The following SAMD5 variants were observed in gnomAD, a reference collection of about 807,000 sequenced individuals.
SAMD5 encodes the protein sterile alpha motif domain containing 5, also known as sterile alpha motif domain-containing protein 5.
SAMD5 carries 13 observed loss-of-function variants against 11.3 expected under a neutral mutation model. That is an observed-to-expected ratio of 1.15 (90% CI 0.75 to 1.83). The LOEUF (loss-of-function observed/expected upper bound fraction) is 1.83, where lower values mean the gene tolerates loss of function less well. Ranked by LOEUF, SAMD5 falls within the 40% of genes most tolerant of loss-of-function variation. The pLI is 0.00. For synonymous variants in SAMD5, 129 were observed against 111.3 expected, an observed-to-expected ratio of 1.16 and a Z score of -1.00; for missense variants, 255 against 239.1, an observed-to-expected ratio of 1.07 and a Z score of -0.44.
chr6:147,720,760 C>T (rs1791539458), intron 1 of SAMD5, among the ~76,000 whole-genome samples: 1 of 151,260 alleles, frequency 6.6e-6, no homozygotes, highest in Non-Finnish European at 1.5e-5. Flanking sequence ...AGGTTAGTTC[C>T]ATATGTATAC....
At chr6:147,602,009 A>G (rs1387739669) in intron 1 of SAMD5, among the ~76,000 whole-genome samples, 8 of 152,244 alleles carry the variant, frequency 5.3e-5, no homozygotes, top group Admixed American at 5.2e-4. Flanking sequence ...TCTCGTTAGT[A>G]TAACAGCAGC....
At chr6:147,896,666 C>A in the SAMD5 span, among the ~76,000 whole-genome samples, 5 of 139,672 alleles carry the variant, frequency 3.6e-5, no homozygotes, top group East Asian at 1.1e-3. Flanking sequence ...AGTAAAAATT[C>A]TTCAAGTGGA....
the SAMD5 span, among the ~76,000 whole-genome samples, chr6:147,839,828 T>A: frequency 2.6e-5 from 4 of 152,186 alleles, no homozygotes; most frequent in African/African-American, 4.8e-5. Context: ...ACAGTATAAG[T>A]GCCTATTATG....
Position 147,622,497 on chromosome 6 carries a change from T to C in SAMD5, c.162+113110T>C, listed in dbSNP as rs1025390344. Among the ~76,000 whole-genome samples the C allele has an allele frequency of 2.6e-5, 4 of 152,202 alleles. 1 individual carries two copies. Among genetic ancestry groups the C allele is most frequent in the African/African-American group, 9.6e-5 (4 of 41,454 alleles). On this transcript the variant is annotated intron_variant, in intron 1 of 1. Transcript: ENST00000566741. ...CAGCAGAAAGTATCTTGAACTGACT[T>C]ACACTCCAAAGCAGAATTTATACTA...
the SAMD5 span, among the ~76,000 whole-genome samples, chr6:147,912,974 A>C: frequency 6.6e-6 from 1 of 152,104 alleles, no homozygotes; most frequent in Non-Finnish European, 1.5e-5. Context: ...AATAGGTTGG[A>C]AAATATACAG....
the SAMD5 span, among the ~76,000 whole-genome samples, chr6:147,929,021 T>C: frequency 1.3e-5 from 2 of 151,884 alleles, no homozygotes; most frequent in Non-Finnish European, 2.9e-5. Flanking sequence ...GGTCCAAGAG[T>C]ACATTTGTGG....
chr6:147,616,241 CATATATATTT>C (rs1434902392), intron 1 of SAMD5, among the ~76,000 whole-genome samples: 2,657 of 136,708 alleles, frequency 0.019, 230 homozygotes, highest in African/African-American at 0.075. Context: ...ATATATACTT[CATATATATTT>C]ATTCATATAT....
At chr6:147,632,999 G>A (rs2128451484) in intron 1 of SAMD5, among the ~76,000 whole-genome samples, 1 of 152,198 alleles carries the variant, frequency 6.6e-6, no homozygotes, top group East Asian at 1.9e-4. Context: ...AGGTGCTGTA[G>A]AACAAAAATA....
the SAMD5 span, among the ~76,000 whole-genome samples, chr6:147,922,277 C>T: frequency 1.3e-5 from 2 of 152,136 alleles, no homozygotes; most frequent in African/African-American, 4.8e-5. Context: ...TGCTTATTAG[C>T]AGATCTGACA....
At chr6:147,799,558 C>A in the SAMD5 span, among the ~76,000 whole-genome samples, 1 of 151,534 alleles carries the variant, frequency 6.6e-6, no homozygotes, top group Admixed American at 6.6e-5. Flanking sequence ...TGGAGTTGCT[C>A]TTCTCGAGGA....
chr6:147,773,857 T>C, the SAMD5 span, among the ~76,000 whole-genome samples: 1 of 152,148 alleles, frequency 6.6e-6, no homozygotes. Context: ...CTTTTTGTTT[T>C]TAAGAGACTG....
At chr6:147,553,677 C>G (rs894187124) in intron 1 of SAMD5, among the ~76,000 whole-genome samples, 3 of 152,140 alleles carry the variant, frequency 2.0e-5, no homozygotes, top group Non-Finnish European at 4.4e-5. Context: ...CAACTCAGTC[C>G]TATTTACGTG....
At position 147,569,512 on chromosome 6, in the gene SAMD5, T is replaced by G. The variant is rs1359019487; in HGVS notation, c.*5056T>G. On this transcript the variant is annotated 3_prime_UTR_variant, in exon 2 of 2. Coordinates refer to ENST00000367474, the MANE Select transcript of SAMD5 (RefSeq NM_001030060.3). ...TATTATTTAAGATGGGAAATGTCTTTTATAGGTATATTCTGTATAATACCC... is the reference window on the plus strand; with the variant it reads ...TATTATTTAAGATGGGAAATGTCTTGTATAGGTATATTCTGTATAATACCC... The G allele has an allele frequency of 1.3e-5, 11 of 858,562 alleles. No homozygotes were observed. Among genetic ancestry groups the G allele is most frequent in the Non-Finnish European group, 1.5e-5 (11 of 714,598 alleles). 53.2% of individuals were successfully genotyped at this position (858,562 alleles called of 1,614,324 possible).
At chr6:147,793,376 GC>G in the SAMD5 span, among the ~76,000 whole-genome samples, 435 of 152,268 alleles carry the variant, frequency 2.9e-3, 2 homozygotes, top group African/African-American at 0.01. Context: ...AACTGTCCCA[GC>G]CAAGAGGAAC....
chr6:147,585,509 G>A (rs918969889), intron 1 of SAMD5, among the ~76,000 whole-genome samples: 1 of 152,104 alleles, frequency 6.6e-6, no homozygotes, highest in Non-Finnish European at 1.5e-5. Flanking sequence ...TAATGGGAAG[G>A]CACCAGAGGA....
At chr6:147,784,404 G>A in the SAMD5 span, among the ~76,000 whole-genome samples, 1 of 152,040 alleles carries the variant, frequency 6.6e-6, no homozygotes, top group East Asian at 1.9e-4. Flanking sequence ...ACCCACTTAT[G>A]GCTTTACTGG....
At chr6:147,659,260 T>TAA (rs5880726) in intron 1 of SAMD5, among the ~76,000 whole-genome samples, 23 of 151,206 alleles carry the variant, frequency 1.5e-4, no homozygotes, top group Middle Eastern at 3.2e-3. Context: ...TCAGTACATT[T>TAA]AAAAAAAAAT....
At chr6:147,760,941 G>C in the SAMD5 span, among the ~76,000 whole-genome samples, 2 of 152,040 alleles carry the variant, frequency 1.3e-5, no homozygotes, top group Non-Finnish European at 2.9e-5. Context: ...AAATTACTTC[G>C]AATTCAAATA....
intron 1 of SAMD5, among the ~76,000 whole-genome samples, chr6:147,631,822 G>T (rs1790156649): frequency 6.6e-6 from 1 of 152,160 alleles, no homozygotes; most frequent in South Asian, 2.1e-4. Flanking sequence ...GATCCCTGAA[G>T]AGTAGTGGAA....
Sources: allele counts gnomAD v4.1 joint callset (sites outside exome capture counted in the v4.1 genomes callset), GRCh38; gene constraint gnomAD v4.1.1; transcripts MANE v1.5; gene names NCBI Gene and HGNC (gene_info 2026-07-23, HGNC 2026-07-21).